The following TRIM24 variants were observed in gnomAD, a reference collection of about 807,000 sequenced individuals.
The protein encoded by TRIM24 is tripartite motif containing 24, also known as transcription intermediary factor 1-alpha.
TRIM24 carries 29 observed loss-of-function variants against 123.9 expected under a neutral mutation model. That is an observed-to-expected ratio of 0.23 (90% CI 0.17 to 0.32). The LOEUF (loss-of-function observed/expected upper bound fraction) is 0.32. Among genes scored for constraint, TRIM24 ranks in the 10% least tolerant of loss-of-function variants. The probability of loss-of-function intolerance (pLI) is 1.00; values close to 1 mark genes in which losing one functional copy is unlikely to be tolerated. For synonymous variants in TRIM24, 456 were observed against 461.1 expected (o/e 0.99, Z 0.14); for missense variants, 932 against 1,295.3 (o/e 0.72, Z 4.31).
In TRIM24 at chr7:138,525,261, C is replaced by T; in HGVS notation, c.785C>T (p.Ala262Val). The change falls in exon 5 of 19, where the codon GCT (alanine) becomes GTT (valine). Residue 262 changes from alanine (A) to valine (V), a missense_variant. This residue lies in a region of TRIM24 where 527 missense variants were observed against 691.3 expected (regional missense o/e 0.76). Transcript: ENST00000343526. ...KEHRYQFIEE[A>V]FQNQKVIIDT... ...TTCAGATACCAATTTATAGAAGAAG[C>T]TTTTCAGAATCAGAAAGTGATCATA... The T allele has an allele frequency of 3.3e-6, 5 of 1,492,922 alleles. No homozygotes were observed. Among genetic ancestry groups the T allele is most frequent in the Non-Finnish European group, 4.4e-6 (5 of 1,125,964 alleles). 92.5% of individuals were successfully genotyped at this position (1,492,922 alleles called of 1,614,324 possible). A position where few individuals can be genotyped will look rare whatever the true frequency, so the allele number is the denominator to read the frequency against.
At chr7:138,577,197 C>T (rs979557889) in intron 13 of TRIM24, among the ~76,000 whole-genome samples, 22 of 152,168 alleles carry the variant, frequency 1.4e-4, no homozygotes, top group Non-Finnish European at 8.8e-5. Flanking sequence ...ATTGAAACAT[C>T]TTTCTAGATA....
chr7:138,515,392 C>G, intron 3 of TRIM24, 33 bp downstream of exon 3: 2 of 1,603,136 alleles, frequency 1.2e-6, no homozygotes, highest in Non-Finnish European at 1.7e-6. Flanking sequence ...TTTTTTCCTT[C>G]TATCTTTCCC....
chr7:138,527,031 G>A (rs1027788503), intron 5 of TRIM24, among the ~76,000 whole-genome samples: 3 of 151,658 alleles, frequency 2.0e-5, no homozygotes, highest in African/African-American at 7.3e-5. Context: ...TTGATTTATG[G>A]TCAAAGTTTA....
intron 9 of TRIM24, among the ~76,000 whole-genome samples, chr7:138,558,274 C>T (rs1797356859): frequency 6.6e-6 from 1 of 152,112 alleles, no homozygotes; most frequent in African/African-American, 2.4e-5. Context: ...AAAGTCTTTC[C>T]TGTTGTTTCA....
intron 6 of TRIM24, among the ~76,000 whole-genome samples, chr7:138,537,812 C>CTGGGTTCGCTT (rs1796924639): frequency 1.3e-5 from 2 of 152,198 alleles, no homozygotes; most frequent in African/African-American, 4.8e-5. Context: ...GGGCTAGGAT[C>CTGGGTTCGCTT]TGGGTTCGCT....
intron 1 of TRIM24, among the ~76,000 whole-genome samples, chr7:138,467,411 T>G (rs1389400162): frequency 1.3e-5 from 2 of 152,140 alleles, no homozygotes. Context: ...ATGTGATCTC[T>G]GCTCACTGCA....
At chr7:138,540,053 G>C (rs998800821) in intron 7 of TRIM24, among the ~76,000 whole-genome samples, 1 of 152,068 alleles carries the variant, frequency 6.6e-6, no homozygotes. Flanking sequence ...ACCCGCCTTC[G>C]CCTCCCAAAG....
At chr7:138,479,574 G>A (rs769592019) in intron 1 of TRIM24, among the ~76,000 whole-genome samples, 5 of 152,032 alleles carry the variant, frequency 3.3e-5, no homozygotes, top group East Asian at 1.9e-4. Context: ...GTGCAGTGGC[G>A]GGATGTTGGC....
At chr7:138,508,722 T>TGTGTGTGTGC (rs1554436729) in intron 2 of TRIM24, among the ~76,000 whole-genome samples, 160 of 124,320 alleles carry the variant, frequency 1.3e-3, no homozygotes, top group African/African-American at 2.7e-3. Flanking sequence ...TGTGTGTGCG[T>TGTGTGTGTGC]GTGTGTGTGT....
intron 1 of TRIM24, among the ~76,000 whole-genome samples, chr7:138,462,427 G>A (rs534725844): frequency 2.1e-5 from 3 of 144,236 alleles, no homozygotes; most frequent in Non-Finnish European, 3.0e-5. Context: ...TGCAAGCTCC[G>A]CCTCCCGGGT....
intron 4 of TRIM24, among the ~76,000 whole-genome samples, chr7:138,523,106 A>G (rs1181591697): frequency 6.6e-6 from 1 of 152,242 alleles, no homozygotes; most frequent in Non-Finnish European, 1.5e-5. Context: ...AGACAAGTGT[A>G]GAAATAGTCA....
chr7:138,515,726 G>T (rs1163129744), intron 3 of TRIM24, among the ~76,000 whole-genome samples: 1 of 152,102 alleles, frequency 6.6e-6, no homozygotes, highest in Non-Finnish European at 1.5e-5. Flanking sequence ...TTGTAAACCT[G>T]CATCATGATA....
At chr7:138,555,482 A>ATTTT (rs1203577540) in intron 9 of TRIM24, among the ~76,000 whole-genome samples, 4 of 138,516 alleles carry the variant, frequency 2.9e-5, no homozygotes, top group Non-Finnish European at 4.7e-5. Context: ...CTATAATCCA[A>ATTTT]TTTTTTTTTT....
At chr7:138,494,257 C>G (rs535852074) in intron 1 of TRIM24, among the ~76,000 whole-genome samples, 1 of 152,158 alleles carries the variant, frequency 6.6e-6, no homozygotes, top group Admixed American at 6.5e-5. Flanking sequence ...GCTGGGATTA[C>G]AGGGGGCCGT....
Position 138,586,043 on chromosome 7 carries a change from A to G in TRIM24, c.*1092A>G, listed in dbSNP as rs967157283. 5 of 432,370 alleles carry G rather than the reference A, an allele frequency of 1.2e-5. No homozygotes were observed. The highest frequency in any genetic ancestry group is 8.2e-5 in the African/African-American group (4 of 48,496). The allele number at this position is 432,370 out of a possible 1,614,324, so 26.8% of individuals were successfully genotyped here. On this transcript the variant is annotated 3_prime_UTR_variant, in exon 19 of 19. Coordinates refer to ENST00000343526, the MANE Select transcript of TRIM24 (RefSeq NM_015905.3). ...GCATCTATCTCATGTTTTTCTTTTG[A>G]GAGTCAGAACATCAAACTTAATCTT...
At chr7:138,483,228 G>T (rs113093656) in intron 1 of TRIM24, among the ~76,000 whole-genome samples, 85 of 152,316 alleles carry the variant, frequency 5.6e-4, no homozygotes, top group Middle Eastern at 3.4e-3. Flanking sequence ...TAGCCACTGT[G>T]CCTGGACCCA....
At chr7:138,523,677 G>C (rs951126171) in intron 4 of TRIM24, among the ~76,000 whole-genome samples, 3 of 149,512 alleles carry the variant, frequency 2.0e-5, no homozygotes, top group African/African-American at 7.3e-5. Context: ...CGTGAACCCA[G>C]GAGGCAGAGC....
intron 2 of TRIM24, among the ~76,000 whole-genome samples, chr7:138,504,916 A>G (rs1263879077): frequency 6.6e-6 from 1 of 151,800 alleles, no homozygotes; most frequent in East Asian, 1.9e-4. Flanking sequence ...GTGTGCCACT[A>G]TGCCCAGCTA....
intron 1 of TRIM24, among the ~76,000 whole-genome samples, chr7:138,462,013 T>TCTTGCCAGCACC (rs1310915480): frequency 6.6e-6 from 1 of 152,224 alleles, no homozygotes; most frequent in Non-Finnish European, 1.5e-5. Flanking sequence ...GTTTCTTCAC[T>TCTTGCCAGCACC]CTTGCCAGCA....
Sources: allele counts gnomAD v4.1 joint callset (sites outside exome capture counted in the v4.1 genomes callset), GRCh38; gene constraint gnomAD v4.1.1; regional missense constraint gnomAD v4.1.1; transcripts MANE v1.5; gene names NCBI Gene and HGNC (gene_info 2026-07-23, HGNC 2026-07-21).